GALNT13: variants seen among roughly 807,000 people sequenced by gnomAD.
GALNT13 encodes the protein UDP-GalNAc:polypeptide N-acetylgalactosaminyltransferase 13.
GALNT13 carries 28 observed loss-of-function variants against 64.2 expected under a neutral mutation model. The ratio of observed to expected loss-of-function variants is 0.44; its 90% CI spans 0.32 to 0.60. The LOEUF is 0.60. Among genes scored for constraint, GALNT13 ranks in the 20% least tolerant of loss-of-function variants. The pLI, the probability that GALNT13 is intolerant of heterozygous loss-of-function variation, is 0.05. For missense variants in GALNT13, 577 were observed against 669.8 expected (o/e 0.86, Z 1.53); for synonymous variants, 214 against 224.6 (o/e 0.95, Z 0.42).
At chr2:153,723,908 C>T in the GALNT13 span, among the ~76,000 whole-genome samples, 1 of 150,550 alleles carries the variant, frequency 6.6e-6, no homozygotes, top group Non-Finnish European at 1.5e-5. Context: ...CAATGCCATC[C>T]CCATCAAGCT....
the GALNT13 span, among the ~76,000 whole-genome samples, chr2:153,492,499 C>G: frequency 6.6e-6 from 1 of 151,972 alleles, no homozygotes; most frequent in Non-Finnish European, 1.5e-5. Flanking sequence ...ACATAAAAGA[C>G]TAAAGAAGCT....
the GALNT13 span, among the ~76,000 whole-genome samples, chr2:153,794,531 T>G: frequency 6.6e-6 from 1 of 151,952 alleles, no homozygotes; most frequent in Non-Finnish European, 1.5e-5. Flanking sequence ...TAACTTTTTT[T>G]TTTTTTTGAG....
chr2:153,673,940 T>A, the GALNT13 span, among the ~76,000 whole-genome samples: 2 of 152,214 alleles, frequency 1.3e-5, no homozygotes, highest in African/African-American at 2.4e-5. Context: ...ATGAGTGAAC[T>A]CCCATTCACA....
At chr2:153,589,171 G>A in the GALNT13 span, among the ~76,000 whole-genome samples, 1 of 152,038 alleles carries the variant, frequency 6.6e-6, no homozygotes, top group Non-Finnish European at 1.5e-5. Flanking sequence ...TTCTTCTGCT[G>A]GATACACTAA....
chr2:153,798,532 A>G, the GALNT13 span, among the ~76,000 whole-genome samples: 1 of 152,146 alleles, frequency 6.6e-6, no homozygotes, highest in African/African-American at 2.4e-5. Flanking sequence ...TTTAATTACA[A>G]AATATTTATA....
chr2:153,894,603 A>T (rs574704888), intron 1 of GALNT13, among the ~76,000 whole-genome samples: 12 of 152,134 alleles, frequency 7.9e-5, no homozygotes, highest in Non-Finnish European at 1.2e-4. Context: ...AAGAGGGAGG[A>T]CATACTAGGG....
chr2:153,298,933 A>G, the GALNT13 span, among the ~76,000 whole-genome samples: 1 of 152,174 alleles, frequency 6.6e-6, no homozygotes, highest in African/African-American at 2.4e-5. Flanking sequence ...TTCATAAAGG[A>G]ATAGATATTT....
chr2:153,562,312 A>G, the GALNT13 span, among the ~76,000 whole-genome samples: 1 of 152,080 alleles, frequency 6.6e-6, no homozygotes, highest in East Asian at 1.9e-4. Flanking sequence ...TTATAATGTA[A>G]CAATAATAAA....
chr2:153,707,035 A>G, the GALNT13 span, among the ~76,000 whole-genome samples: 1 of 152,130 alleles, frequency 6.6e-6, no homozygotes, highest in African/African-American at 2.4e-5. Flanking sequence ...ATGGTTTTAG[A>G]AAGAGGAGTT....
the GALNT13 span, among the ~76,000 whole-genome samples, chr2:153,696,969 A>T: frequency 6.6e-6 from 1 of 152,178 alleles, no homozygotes; most frequent in Non-Finnish European, 1.5e-5. Context: ...TTATAGAAAA[A>T]CAGGAGTCAA....
chr2:153,440,458 A>G, the GALNT13 span, among the ~76,000 whole-genome samples: 3 of 152,192 alleles, frequency 2.0e-5, no homozygotes, highest in Admixed American at 6.5e-5. Flanking sequence ...TCCTTTGAGT[A>G]TATACCCAGT....
At chr2:153,383,978 C>G in the GALNT13 span, among the ~76,000 whole-genome samples, 4 of 149,994 alleles carry the variant, frequency 2.7e-5, no homozygotes, top group African/African-American at 9.7e-5. Flanking sequence ...AAGATATTGA[C>G]CTTGGGGCAG....
chr2:153,817,568 T>A, the GALNT13 span, among the ~76,000 whole-genome samples: 1 of 152,146 alleles, frequency 6.6e-6, no homozygotes, highest in Non-Finnish European at 1.5e-5. Context: ...CTGACCCCCA[T>A]CCTGCTCCTC....
intron 3 of GALNT13, among the ~76,000 whole-genome samples, chr2:153,965,232 T>A (rs947764542): frequency 6.6e-6 from 1 of 152,190 alleles, no homozygotes; most frequent in Admixed American, 6.5e-5. Flanking sequence ...TAGTTATTTT[T>A]AAATATACAA....
At chr2:154,355,772 A>G (rs1384789155) in intron 9 of GALNT13, among the ~76,000 whole-genome samples, 1 of 152,124 alleles carries the variant, frequency 6.6e-6, no homozygotes, top group Non-Finnish European at 1.5e-5. Flanking sequence ...TTATCCACTC[A>G]ATAAAAATGT....
chr2:153,985,051 A>G (rs1694704292), intron 3 of GALNT13, among the ~76,000 whole-genome samples: 1 of 151,998 alleles, frequency 6.6e-6, no homozygotes, highest in African/African-American at 2.4e-5. Context: ...GAAAAATGGG[A>G]AAACAGTTCC....
At position 154,077,857 on chromosome 2, in the gene GALNT13, A is replaced by G. The variant is rs554861219; in HGVS notation, c.143-62480A>G. On this transcript the variant is annotated intron_variant, in intron 3 of 12. Transcript: ENST00000392825. Reference sequence around the variant, plus strand: ...GGGAAGGTTACACAGCATTTTTTTAAAATCATGCTTTCAAATAATATATCT... The same window carrying G: ...GGGAAGGTTACACAGCATTTTTTTAGAATCATGCTTTCAAATAATATATCT... 3.3e-5 allele frequency among the ~76,000 whole-genome samples: 5 copies of G among 151,664 alleles called. No individual in the cohort carries two copies. In the South Asian group the frequency reaches 1.0e-3, roughly 31 times the overall value.
the GALNT13 span, among the ~76,000 whole-genome samples, chr2:153,153,751 G>A: frequency 7.0e-6 from 1 of 141,914 alleles, no homozygotes; most frequent in East Asian, 2.1e-4. Context: ...CTGTTCCATT[G>A]GCTTTTATGT....
At chr2:153,296,947 A>C in the GALNT13 span, among the ~76,000 whole-genome samples, 1 of 152,226 alleles carries the variant, frequency 6.6e-6, no homozygotes, top group Non-Finnish European at 1.5e-5. Flanking sequence ...TTAATTTCAA[A>C]TACTTGGTGC....
Sources: allele counts gnomAD v4.1 joint callset (sites outside exome capture counted in the v4.1 genomes callset), GRCh38; gene constraint gnomAD v4.1.1; transcripts MANE v1.5; gene names NCBI Gene and HGNC (gene_info 2026-07-23, HGNC 2026-07-21).